ZBTB8A: variants seen among roughly 807,000 people sequenced by gnomAD.
The protein encoded by ZBTB8A is zinc finger and BTB domain containing 8A, also known as zinc finger and BTB domain-containing protein 8A.
A neutral mutation model predicts 37.8 loss-of-function variants in ZBTB8A; 19 were observed. The ratio of observed to expected loss-of-function variants is 0.50; its 90% CI spans 0.35 to 0.74. The LOEUF (loss-of-function observed/expected upper bound fraction) is 0.74, where lower values mean the gene tolerates loss of function less well. ZBTB8A is among the 30% of genes least tolerant of loss of function. The probability of loss-of-function intolerance (pLI) is 0.01; values close to 1 mark genes in which losing one functional copy is unlikely to be tolerated. For missense variants in ZBTB8A, 394 were observed against 537.8 expected, an observed-to-expected ratio of 0.73 and a Z score of 2.65; for synonymous variants, 181 against 185.2, an observed-to-expected ratio of 0.98 and a Z score of 0.19.
intron 4 of ZBTB8A, among the ~76,000 whole-genome samples, chr1:32,597,409 A>G (rs2148254046): frequency 6.6e-6 from 1 of 152,340 alleles, no homozygotes; most frequent in East Asian, 1.9e-4. Context: ...AGTTTTATCC[A>G]GTGAACAGTC....
At chr1:32,596,538 G>A (rs1179312362) in intron 4 of ZBTB8A, among the ~76,000 whole-genome samples, 4 of 151,302 alleles carry the variant, frequency 2.6e-5, no homozygotes, top group South Asian at 2.1e-4. Context: ...CTGAGATCGC[G>A]CCACTGCACT....
chr1:32,591,913 G>A (rs554747243), intron 2 of ZBTB8A, among the ~76,000 whole-genome samples: 14 of 152,024 alleles, frequency 9.2e-5, no homozygotes, highest in South Asian at 4.2e-4. Context: ...GCGCAACCTC[G>A]GCTCACTGCA....
At chr1:32,568,204 C>T (rs1043160284) in intron 2 of ZBTB8A, among the ~76,000 whole-genome samples, 3 of 152,014 alleles carry the variant, frequency 2.0e-5, no homozygotes, top group Non-Finnish European at 2.9e-5. Context: ...TGTAAATGTA[C>T]AATTTAATGT....
At chr1:32,572,087 C>T (rs186021087) in intron 2 of ZBTB8A, among the ~76,000 whole-genome samples, 1,530 of 151,898 alleles carry the variant, frequency 0.01, 10 homozygotes, top group Non-Finnish European at 0.015. Flanking sequence ...ATTTTTGTGT[C>T]CATGTTTACA....
At chr1:32,550,133 G>A (rs865778911) in intron 1 of ZBTB8A, among the ~76,000 whole-genome samples, 2 of 151,984 alleles carry the variant, frequency 1.3e-5, no homozygotes, top group Admixed American at 1.3e-4. Context: ...CGAGGTGGGC[G>A]GATCTCTTGA....
intron 1 of ZBTB8A, among the ~76,000 whole-genome samples, chr1:32,551,895 ACTTT>A (rs1317180871): frequency 5.3e-5 from 8 of 151,280 alleles, no homozygotes; most frequent in African/African-American, 1.7e-4. Flanking sequence ...ACTTACCTGT[ACTTT>A]CTTTTTTTTT....
At chr1:32,548,816 A>G (rs933461198) in intron 1 of ZBTB8A, among the ~76,000 whole-genome samples, 1 of 152,174 alleles carries the variant, frequency 6.6e-6, no homozygotes, top group African/African-American at 2.4e-5. Context: ...ATTAGCTTCT[A>G]ATATTCTCCA....
In ZBTB8A at chr1:32,602,939, T is replaced by C. The variant is rs1054753059; in HGVS notation, c.*2520T>C. 11 of 152,226 alleles carry C rather than the reference T, an allele frequency of 7.2e-5. No individual in the cohort carries two copies. Among genetic ancestry groups the C allele is most frequent in the African/African-American group, 2.7e-4 (11 of 41,456 alleles). 9.4% of individuals were successfully genotyped at this position (152,226 alleles called of 1,614,324 possible). A position where few individuals can be genotyped will look rare whatever the true frequency, so the allele number is the denominator to read the frequency against. The stretch of plus-strand genomic sequence containing the variant: ...TCTCTTGTTCTTTCATTAATTATTG[T>C]CCTTGATACCAATTTCTAGGCTAAA... On this transcript the variant is annotated 3_prime_UTR_variant, in exon 5 of 5. Transcript: ENST00000373510.
intron 2 of ZBTB8A, among the ~76,000 whole-genome samples, chr1:32,589,049 C>T (rs188245811): frequency 1.3e-5 from 2 of 151,950 alleles, no homozygotes; most frequent in East Asian, 3.9e-4. Flanking sequence ...TCAAGAGAGA[C>T]AGGAGGAGAC....
chr1:32,580,160 G>A (rs570322355), intron 2 of ZBTB8A, among the ~76,000 whole-genome samples: 22 of 152,066 alleles, frequency 1.4e-4, no homozygotes, highest in Non-Finnish European at 2.4e-4. Flanking sequence ...GAGCCTGGGT[G>A]GTGGACGTTG....
chr1:32,593,207 T>C lies in ZBTB8A; in HGVS notation c.276T>C (p.Gly92=), dbSNP rs772334996. Reference sequence around the variant, plus strand: ...ATTCTGGCAAACTGTCTCTTACTGGTCAGAATGTCATAGAAGTGATGTCGG... The same window carrying C: ...ATTCTGGCAAACTGTCTCTTACTGGCCAGAATGTCATAGAAGTGATGTCGG... ...FVYSGKLSLT[G]QNVIEVMSAA... Residue 92 remains glycine, a synonymous_variant, in exon 3 of 5, where the codon GGT becomes GGC. Transcript: ENST00000373510. 1 of 1,614,218 alleles carries C rather than the reference T, an allele frequency of 6.2e-7. No individual in the cohort carries two copies. The highest frequency in any genetic ancestry group is 8.5e-7 in the Non-Finnish European group (1 of 1,180,050).
intron 2 of ZBTB8A, among the ~76,000 whole-genome samples, chr1:32,557,280 C>T (rs529999969): frequency 3.4e-4 from 52 of 152,254 alleles, no homozygotes; most frequent in Admixed American, 1.0e-3. Flanking sequence ...CCAGCCTGGG[C>T]AACAGAGCCA....
At chr1:32,540,134 C>G (rs1245139665) in intron 1 of ZBTB8A, among the ~76,000 whole-genome samples, 1 of 152,170 alleles carries the variant, frequency 6.6e-6, no homozygotes, top group Non-Finnish European at 1.5e-5. Flanking sequence ...GGCGAACTCA[C>G]CGCGCCTAAC....
intron 2 of ZBTB8A, among the ~76,000 whole-genome samples, chr1:32,589,544 C>CCCAG (rs1175348760): frequency 6.7e-6 from 1 of 148,872 alleles, no homozygotes; most frequent in African/African-American, 2.5e-5. Context: ...AGCCACCGCG[C>CCCAG]CCAGCCTGTT....
At chr1:32,569,151 A>G (rs1644306303) in intron 2 of ZBTB8A, among the ~76,000 whole-genome samples, 1 of 152,154 alleles carries the variant, frequency 6.6e-6, no homozygotes, top group South Asian at 2.1e-4. Context: ...GTCTTTAGCC[A>G]TGATGGTGGG....
Position 32,600,396 on chromosome 1 carries a change from G to T in ZBTB8A, c.1303G>T (p.Glu435Ter). 6.2e-7 allele frequency: 1 copy of T among 1,612,016 alleles called. No individual in the cohort carries two copies. The highest frequency in any genetic ancestry group is 2.2e-5 in the East Asian group (1 of 44,880). ...VDDSEEEEEKEIKPNIR is the reference protein window; with the variant it reads ...VDDSEEEEEK ...TGATAGTGAAGAAGAAGAAGAAAAA[G>T]AAATTAAGCCCAACATTAGGTAGCT... The change falls in exon 5 of 5, where the codon GAA becomes TAA. Residue 435 changes from glutamate (E) to a stop codon, truncating the protein, a stop_gained. Coordinates refer to ENST00000373510, the MANE Select transcript of ZBTB8A (RefSeq NM_001040441.3). LOFTEE classifies it high-confidence loss of function.
chr1:32,545,305 G>A (rs556727275), intron 1 of ZBTB8A, among the ~76,000 whole-genome samples: 127 of 152,212 alleles, frequency 8.3e-4, no homozygotes, highest in African/African-American at 3.0e-3. Flanking sequence ...GTATCTCATT[G>A]TGATTTTGAT....
intron 2 of ZBTB8A, among the ~76,000 whole-genome samples, chr1:32,577,062 A>AC (rs1240774069): frequency 6.8e-6 from 1 of 148,148 alleles, no homozygotes; most frequent in African/African-American, 2.5e-5. Context: ...TTTAGTAAAG[A>AC]CAGGGTTTCA....
At chr1:32,551,007 C>T (rs530944004) in intron 1 of ZBTB8A, among the ~76,000 whole-genome samples, 3 of 151,440 alleles carry the variant, frequency 2.0e-5, no homozygotes, top group South Asian at 4.2e-4. Context: ...ACCCAGTACG[C>T]TGGACAGTAG....
Sources: allele counts gnomAD v4.1 joint callset (sites outside exome capture counted in the v4.1 genomes callset), GRCh38; gene constraint gnomAD v4.1.1; transcripts MANE v1.5; gene names NCBI Gene and HGNC (gene_info 2026-07-23, HGNC 2026-07-21).